The following MAP4K3 variants were observed in gnomAD, a reference collection of about 807,000 sequenced individuals.
MAP4K3 encodes the protein mitogen-activated protein kinase kinase kinase kinase 3.
MAP4K3 carries 94 observed loss-of-function variants against 143.5 expected under a neutral mutation model. The observed-to-expected ratio is 0.65, with a 90% CI of 0.55 to 0.78. MAP4K3 has a LOEUF of 0.78. MAP4K3 is among the 30% of genes least tolerant of loss of function. MAP4K3 has a pLI of 0.00. For missense variants in MAP4K3, 1,077 were observed against 1,068.1 expected (o/e 1.01, Z -0.12); for synonymous variants, 416 against 347.2 (o/e 1.20, Z -2.20).
At chr2:39,256,172 T>C (rs1680335478) in intron 31 of MAP4K3, among the ~76,000 whole-genome samples, 1 of 152,258 alleles carries the variant, frequency 6.6e-6, no homozygotes, top group South Asian at 2.1e-4. Context: ...CCAGCAACTC[T>C]GAATTCTCTT....
chr2:39,256,381 A>G (rs1436015854), intron 31 of MAP4K3, among the ~76,000 whole-genome samples: 2 of 152,192 alleles, frequency 1.3e-5, no homozygotes, highest in Admixed American at 6.5e-5. Context: ...ATCATTAAAC[A>G]TATTTTTAAC....
chr2:39,389,141 G>A (rs922697717), intron 1 of MAP4K3, among the ~76,000 whole-genome samples: 12 of 152,148 alleles, frequency 7.9e-5, no homozygotes, highest in African/African-American at 2.9e-4. Context: ...TGGGTCAGAA[G>A]CAAGAGGCTA....
chr2:39,385,420 T>A (rs1666470558), intron 1 of MAP4K3, among the ~76,000 whole-genome samples: 1 of 151,890 alleles, frequency 6.6e-6, no homozygotes, highest in African/African-American at 2.4e-5. Context: ...AGTTTGCATT[T>A]CCTTGATGAC....
intron 15 of MAP4K3, among the ~76,000 whole-genome samples, chr2:39,304,221 C>CA (rs1471024429): frequency 6.6e-6 from 1 of 150,770 alleles, no homozygotes; most frequent in Non-Finnish European, 1.5e-5. Context: ...AATTCACTTA[C>CA]AAAATCACAA....
chr2:39,435,454 T>A (rs567439482), intron 1 of MAP4K3, among the ~76,000 whole-genome samples: 1 of 152,248 alleles, frequency 6.6e-6, no homozygotes, highest in Admixed American at 6.5e-5. Flanking sequence ...CATGCTCCCC[T>A]ATCTGGCGTA....
At chr2:39,299,401 T>C (rs1682418122) in intron 16 of MAP4K3, among the ~76,000 whole-genome samples, 1 of 152,184 alleles carries the variant, frequency 6.6e-6, no homozygotes, top group Non-Finnish European at 1.5e-5. Flanking sequence ...GACCAACCCA[T>C]CTTAGAGATG....
intron 22 of MAP4K3, among the ~76,000 whole-genome samples, chr2:39,281,263 C>T (rs912012425): frequency 4.6e-5 from 7 of 152,094 alleles, no homozygotes; most frequent in East Asian, 1.9e-4. Context: ...ACATACTGAA[C>T]GAAAACATCA....
chr2:39,263,746 T>C (rs1022306073), intron 28 of MAP4K3, among the ~76,000 whole-genome samples: 1 of 152,178 alleles, frequency 6.6e-6, no homozygotes. Flanking sequence ...TATCTCAGAA[T>C]GCTGGTAAGA....
intron 2 of MAP4K3, among the ~76,000 whole-genome samples, chr2:39,370,503 A>G (rs188886715): frequency 5.9e-5 from 9 of 152,270 alleles, no homozygotes; most frequent in African/African-American, 2.2e-4. Flanking sequence ...GAAAGAAAAA[A>G]CTAATGTCAA....
In MAP4K3 at chr2:39,392,918, A is replaced by G. The variant is rs111718884; in HGVS notation, c.97-14795T>C. Among the ~76,000 whole-genome samples, 187 of 152,328 alleles carry G rather than the reference A, an allele frequency of 1.2e-3. 3 individuals are homozygous for G. The highest frequency in any genetic ancestry group is 4.4e-3 in the African/African-American group (181 of 41,570). ...AGCCTCCAAAACTGTGAGCCAAATA[A>G]ATCTTTGATCTTTATAAATTACCCA... On this transcript the variant is annotated intron_variant, in intron 1 of 33. Coordinates refer to ENST00000263881, the MANE Select transcript of MAP4K3 (RefSeq NM_003618.4).
rs554393470 is a variant in MAP4K3, at chr2:39,417,936, C to T, written c.96+18956G>A. ...ACAAAATGATGGCTGGGTGCAGTGG[C>T]TCACACCTGTAATCTGAGCACTTTG... On this transcript the variant is annotated intron_variant, in intron 1 of 33. Coordinates refer to ENST00000263881, the MANE Select transcript of MAP4K3 (RefSeq NM_003618.4). Among the ~76,000 whole-genome samples, 28 of 152,250 alleles carry T rather than the reference C, an allele frequency of 1.8e-4. No individual in the cohort carries two copies. In the East Asian group the frequency reaches 4.4e-3, roughly 24 times the overall value.
rs1202906358 is a variant in MAP4K3 at position 39,437,117 on chromosome 2, T to G, written c.-130A>C. On this transcript the variant is annotated 5_prime_UTR_variant, in exon 1 of 34. Coordinates refer to ENST00000263881, the MANE Select transcript of MAP4K3 (RefSeq NM_003618.4). ...CGGTCACAATCACCCGGCTCCACGCTGCGGCCGCCGCCGCCGCCGCCGCTC... is the reference window on the plus strand; with the variant it reads ...CGGTCACAATCACCCGGCTCCACGCGGCGGCCGCCGCCGCCGCCGCCGCTC... The G allele has an allele frequency of 3.8e-6, 2 of 524,604 alleles. No individual in the cohort carries two copies. The highest frequency in any genetic ancestry group is 3.5e-5 in the South Asian group (1 of 28,226). 32.5% of individuals were successfully genotyped at this position (524,604 alleles called of 1,614,324 possible).
At chr2:39,301,899 C>A (rs1455012831) in intron 15 of MAP4K3, among the ~76,000 whole-genome samples, 4 of 151,996 alleles carry the variant, frequency 2.6e-5, no homozygotes, top group African/African-American at 9.7e-5. Context: ...TGGCTCGCGC[C>A]TGTAGTCCCA....
chr2:39,329,933 A>G (rs1047236893), intron 8 of MAP4K3, among the ~76,000 whole-genome samples: 2 of 152,182 alleles, frequency 1.3e-5, no homozygotes, highest in African/African-American at 2.4e-5. Context: ...GGAAGGCTCC[A>G]TCATGAAAAT....
chr2:39,277,688 C>T (rs531431866), intron 24 of MAP4K3, among the ~76,000 whole-genome samples: 67 of 151,988 alleles, frequency 4.4e-4, no homozygotes, highest in South Asian at 1.3e-3. Flanking sequence ...TCTCAGCCTT[C>T]GAAGCAGTTG....
intron 1 of MAP4K3, among the ~76,000 whole-genome samples, chr2:39,394,042 A>G (rs1472952865): frequency 6.6e-6 from 1 of 152,194 alleles, no homozygotes; most frequent in African/African-American, 2.4e-5. Context: ...AAGCTCCATC[A>G]AGGCTTTGAA....
chr2:39,371,891 T>C (rs1215565411), intron 2 of MAP4K3, among the ~76,000 whole-genome samples: 12 of 150,518 alleles, frequency 8.0e-5, no homozygotes, highest in Admixed American at 6.6e-4. Flanking sequence ...TTGATCCCTT[T>C]ATACATATAA....
intron 4 of MAP4K3, among the ~76,000 whole-genome samples, chr2:39,341,459 C>T (rs138000505): frequency 0.035 from 5,310 of 151,828 alleles, 123 homozygotes; most frequent in African/African-American, 0.061. Context: ...GAGTTCAAGA[C>T]CAGCCTGGCC....
intron 19 of MAP4K3, 98 bp from the exon 20 acceptor site, chr2:39,288,378 T>C (rs537870650): frequency 5.7e-6 from 6 of 1,061,472 alleles, no homozygotes; most frequent in South Asian, 3.1e-5. Context: ...TTATTTCTAC[T>C]ATACATTAGA....
Sources: gnomAD v4.1 joint callset for allele counts (sites outside exome capture counted in the v4.1 genomes callset) on GRCh38, gnomAD v4.1.1 for gene constraint, MANE v1.5 for transcripts, NCBI Gene and HGNC (gene_info 2026-07-23, HGNC 2026-07-21) for gene names.